Variants in PALM2AKAP2 observed in about 807,000 individuals in gnomAD.
The protein encoded by PALM2AKAP2 is PALM2 and AKAP2 fusion.
Under a neutral mutation model 71.5 loss-of-function variants are expected in PALM2AKAP2, and 37 were observed. The ratio of observed to expected loss-of-function variants is 0.52; its 90% confidence interval spans 0.40 to 0.68. PALM2AKAP2 has a LOEUF of 0.68. Among genes scored for constraint, PALM2AKAP2 ranks in the 30% least tolerant of loss-of-function variants. PALM2AKAP2 has a pLI of 0.00. For synonymous variants in PALM2AKAP2, 468 were observed against 478.8 expected, an observed-to-expected ratio of 0.98 and a Z score of 0.29; for missense variants, 1,224 against 1,191.8, an observed-to-expected ratio of 1.03 and a Z score of -0.40.
chr9:109,863,744 C>T lies in PALM2AKAP2; in HGVS notation c.46-3747C>T, dbSNP rs536935377. ...CGTTTGACTCATATCTAATTCTGAG[C>T]GTAGGCTGGTTGCCTCTTGTCCACC... On this transcript the variant is annotated intron_variant, in intron 1 of 9. Transcript: ENST00000302798. 8.5e-5 allele frequency among the ~76,000 whole-genome samples: 13 copies of T among 152,216 alleles called. No individual in the cohort carries two copies. The South Asian group carries it at 1.5e-3, about 17-fold the overall frequency.
intron 2 of PALM2AKAP2, among the ~76,000 whole-genome samples, chr9:110,140,631 C>CA (rs11464736): frequency 0.24 from 36,808 of 152,162 alleles, 4,915 homozygotes; most frequent in African/African-American, 0.36. Flanking sequence ...ACCTTCTTGA[C>CA]AAAAGATACT....
chr9:109,888,711 C>A (rs1450161092), intron 3 of PALM2AKAP2, among the ~76,000 whole-genome samples: 684 of 98,672 alleles, frequency 6.9e-3, no homozygotes, highest in Non-Finnish European at 7.8e-3. Flanking sequence ...ATTTTGCCTC[C>A]AAAAAAAAAA....
chr9:110,138,648 T>G, intron 2 of PALM2AKAP2, 109 bp downstream of exon 8: 1 of 1,438,278 alleles, frequency 7.0e-7, no homozygotes, highest in Non-Finnish European at 9.1e-7. Flanking sequence ...CTGGAATAAG[T>G]GTTGGGGGGA....
intron 1 of PALM2AKAP2, among the ~76,000 whole-genome samples, chr9:109,740,940 C>T (rs555748733): frequency 6.6e-6 from 1 of 152,196 alleles, no homozygotes; most frequent in Non-Finnish European, 1.5e-5. Context: ...GTGTGAGCCA[C>T]TGCACCCGGT....
intron 1 of PALM2AKAP2, chr9:109,640,986 C>A: frequency 7.5e-7 from 1 of 1,336,728 alleles, no homozygotes; most frequent in Non-Finnish European, 9.8e-7. Flanking sequence ...ATTTCAGCCC[C>A]GTGTGTACGC....
intron 1 of PALM2AKAP2, among the ~76,000 whole-genome samples, chr9:110,058,327 C>T (rs1833889958): frequency 6.6e-6 from 1 of 152,126 alleles, no homozygotes; most frequent in African/African-American, 2.4e-5. Context: ...GAGTGTCAGA[C>T]TCTCAAACAA....
intron 1 of PALM2AKAP2, among the ~76,000 whole-genome samples, chr9:109,792,054 G>C (rs1176919807): frequency 6.6e-6 from 1 of 152,140 alleles, no homozygotes; most frequent in Non-Finnish European, 1.5e-5. Flanking sequence ...GGGAATGGGG[G>C]CTGGGGGGTT....
rs547554453 is a variant in PALM2AKAP2, at chr9:109,700,008, T to C, written c.5+59142T>C. Among the ~76,000 whole-genome samples, 7 of 152,306 alleles carry C rather than the reference T, an allele frequency of 4.6e-5. No individual in the cohort carries two copies. In the East Asian group the frequency reaches 1.4e-3, roughly 29 times the overall value. ...CCAGGATGATCTTGATCTCCTGACC[T>C]CGTAATCTGCCCACCTCAGCCTCCC... On this transcript the variant is annotated intron_variant, in intron 1 of 6. Transcript: ENST00000374531.
chr9:109,888,877 C>G (rs1830025685), intron 3 of PALM2AKAP2, among the ~76,000 whole-genome samples: 1 of 152,110 alleles, frequency 6.6e-6, no homozygotes, highest in Admixed American at 6.5e-5. Flanking sequence ...GCATCCCTGG[C>G]CTCTACCTAG....
intron 1 of PALM2AKAP2, among the ~76,000 whole-genome samples, chr9:109,813,622 G>A (rs776740886): frequency 2.0e-5 from 3 of 152,130 alleles, no homozygotes; most frequent in Non-Finnish European, 2.9e-5. Context: ...TCTTGAAGTA[G>A]AACCTTGATG....
chr9:109,813,178 C>T (rs2131451592), intron 1 of PALM2AKAP2, among the ~76,000 whole-genome samples: 1 of 152,322 alleles, frequency 6.6e-6, no homozygotes, highest in Middle Eastern at 3.4e-3. Context: ...AAGTGGCAGA[C>T]TATCAATGAC....
At chr9:109,860,055 G>A (rs757961139) in intron 1 of PALM2AKAP2, among the ~76,000 whole-genome samples, 2 of 152,232 alleles carry the variant, frequency 1.3e-5, no homozygotes, top group Non-Finnish European at 2.9e-5. Flanking sequence ...TGATCTTGAA[G>A]ACAGAGCCAG....
chr9:110,158,333 G>A (rs1651401915), intron 3 of PALM2AKAP2, among the ~76,000 whole-genome samples: 1 of 152,174 alleles, frequency 6.6e-6, no homozygotes, highest in Non-Finnish European at 1.5e-5. Flanking sequence ...TAGCCAAGTG[G>A]GTGCCCCACA....
chr9:109,883,757 G>A (rs1006156095), intron 3 of PALM2AKAP2, among the ~76,000 whole-genome samples: 5 of 152,232 alleles, frequency 3.3e-5, no homozygotes, highest in African/African-American at 9.6e-5. Context: ...ACCCTACGGT[G>A]TTACAAAGTC....
chr9:109,846,934 A>C (rs890970180), intron 1 of PALM2AKAP2, among the ~76,000 whole-genome samples: 5 of 152,214 alleles, frequency 3.3e-5, no homozygotes. Flanking sequence ...TCATTTGAAC[A>C]ATTTCCATTT....
chr9:109,836,823 T>C (rs1303953653), intron 1 of PALM2AKAP2, among the ~76,000 whole-genome samples: 4 of 151,952 alleles, frequency 2.6e-5, no homozygotes, highest in Admixed American at 6.6e-5. Flanking sequence ...AAGAGAAGTT[T>C]AGAGAAAAAA....
intron 1 of PALM2AKAP2, among the ~76,000 whole-genome samples, chr9:109,674,861 T>C (rs1039853155): frequency 6.6e-6 from 1 of 152,064 alleles, no homozygotes; most frequent in Non-Finnish European, 1.5e-5. Context: ...CCCTGACTGA[T>C]GATGGTTTGA....
chr9:109,808,817 TGC>T (rs556079101), intron 1 of PALM2AKAP2, among the ~76,000 whole-genome samples: 123 of 152,368 alleles, frequency 8.1e-4, no homozygotes, highest in African/African-American at 2.6e-3. Flanking sequence ...CCCAGGGCCT[TGC>T]TGCTTTGTGC....
intron 2 of PALM2AKAP2, among the ~76,000 whole-genome samples, chr9:109,878,313 G>A (rs761425475): frequency 6.6e-6 from 1 of 152,188 alleles, no homozygotes; most frequent in Non-Finnish European, 1.5e-5. Context: ...CATGTCACCA[G>A]TGATGCATAG....
Sources: gnomAD v4.1 joint callset for allele counts (sites outside exome capture counted in the v4.1 genomes callset) on GRCh38, gnomAD v4.1.1 for gene constraint, MANE v1.5 for transcripts, NCBI Gene and HGNC (gene_info 2026-07-23, HGNC 2026-07-21) for gene names.